The following PREX2 variants were observed in gnomAD, a reference collection of about 807,000 sequenced individuals.
PREX2 encodes phosphatidylinositol 3,4,5-trisphosphate-dependent Rac exchanger 2 protein.
In PREX2, 107 loss-of-function variants were observed where a neutral mutation model predicts 203.2. The ratio of observed to expected loss-of-function variants is 0.53; its 90% CI spans 0.45 to 0.62. The LOEUF (loss-of-function observed/expected upper bound fraction) is 0.62, where lower values mean the gene tolerates loss of function less well. Ranked by LOEUF, PREX2 falls within the 20% of genes least tolerant of loss-of-function variation. PREX2 has a pLI of 0.00. For synonymous variants in PREX2, 672 were observed against 663.6 expected, an observed-to-expected ratio of 1.01 and a Z score of -0.19; for missense variants, 1,777 against 1,955.9, an observed-to-expected ratio of 0.91 and a Z score of 1.72.
intron 35 of PREX2, among the ~76,000 whole-genome samples, chr8:68,180,482 G>A (rs1251807314): frequency 6.6e-6 from 1 of 152,010 alleles, no homozygotes; most frequent in Non-Finnish European, 1.5e-5. Context: ...TCAGAGTTAT[G>A]AGTTTACAGA....
At chr8:68,154,631 G>T (rs997655335) in intron 34 of PREX2, among the ~76,000 whole-genome samples, 5 of 152,160 alleles carry the variant, frequency 3.3e-5, no homozygotes. Context: ...TATTTCCTGT[G>T]TGTATTCAGG....
chr8:68,156,465 A>G (rs556979951), intron 34 of PREX2, among the ~76,000 whole-genome samples: 1 of 152,340 alleles, frequency 6.6e-6, no homozygotes, highest in Admixed American at 6.5e-5. Context: ...AATATCAAAT[A>G]CATTGGAAGT....
intron 21 of PREX2, among the ~76,000 whole-genome samples, chr8:68,094,189 A>G (rs1479538880): frequency 6.6e-6 from 1 of 152,232 alleles, no homozygotes; most frequent in Non-Finnish European, 1.5e-5. Flanking sequence ...TGAAATACAG[A>G]ATCTCAGCTG....
chr8:67,954,390 T>G (rs1805434825), intron 1 of PREX2, among the ~76,000 whole-genome samples: 1 of 152,216 alleles, frequency 6.6e-6, no homozygotes, highest in South Asian at 2.1e-4. Context: ...GATTATTAGA[T>G]TTTCTTTTTA....
At chr8:68,091,596 G>A (rs1349553899) in intron 20 of PREX2, among the ~76,000 whole-genome samples, 1 of 152,166 alleles carries the variant, frequency 6.6e-6, no homozygotes, top group Admixed American at 6.5e-5. Context: ...TAACTGATCA[G>A]TTTTACTTAA....
At chr8:68,216,845 A>G (rs1436362951) in intron 37 of PREX2, among the ~76,000 whole-genome samples, 2 of 151,922 alleles carry the variant, frequency 1.3e-5, no homozygotes, top group African/African-American at 2.4e-5. Flanking sequence ...AATCCCAGCT[A>G]CTGCTACTTG....
intron 37 of PREX2, 199 bp downstream of exon 37, chr8:68,192,724 C>A (rs1812322931): frequency 9.2e-6 from 4 of 436,928 alleles, no homozygotes; most frequent in South Asian, 6.0e-5. Context: ...GAAGGCAATC[C>A]CACGTTTATA....
intron 1 of PREX2, among the ~76,000 whole-genome samples, chr8:67,999,382 A>C (rs1310008099): frequency 6.7e-6 from 1 of 149,732 alleles, no homozygotes; most frequent in East Asian, 2.0e-4. Context: ...TCTTGGACAC[A>C]CCTATTCTCC....
At chr8:68,058,116 A>G (rs1440629422) in intron 10 of PREX2, among the ~76,000 whole-genome samples, 3 of 152,178 alleles carry the variant, frequency 2.0e-5, no homozygotes, top group Admixed American at 6.5e-5. Flanking sequence ...CCGTTAGCAG[A>G]GTGTTGATGG....
chr8:67,991,367 CA>C (rs1355213158), intron 1 of PREX2, among the ~76,000 whole-genome samples: 1 of 152,036 alleles, frequency 6.6e-6, no homozygotes, highest in African/African-American at 2.4e-5. Context: ...AGTCCATACG[CA>C]CATTGCTATA....
chr8:68,165,217 G>A (rs750397446), intron 35 of PREX2, among the ~76,000 whole-genome samples: 4 of 151,824 alleles, frequency 2.6e-5, no homozygotes, highest in Non-Finnish European at 4.4e-5. Context: ...TCAATAATTC[G>A]TCTTGGTTTA....
intron 37 of PREX2, among the ~76,000 whole-genome samples, chr8:68,208,806 G>C (rs560565631): frequency 1.4e-4 from 22 of 152,022 alleles, no homozygotes; most frequent in Non-Finnish European, 3.1e-4. Flanking sequence ...AGAAACTTCT[G>C]AGCTGGGCAT....
At chr8:67,953,401 C>G in intron 1 of PREX2, among the ~76,000 whole-genome samples, 1 of 152,104 alleles carries the variant, frequency 6.6e-6, no homozygotes, top group Non-Finnish European at 1.5e-5. Context: ...AGATAACACT[C>G]AAAAGTTGAA....
intron 39 of PREX2, among the ~76,000 whole-genome samples, chr8:68,228,126 T>C (rs1813088627): frequency 6.6e-6 from 1 of 152,184 alleles, no homozygotes; most frequent in Non-Finnish European, 1.5e-5. Flanking sequence ...CCCAGTTTCA[T>C]ACATTGGCTC....
intron 25 of PREX2, among the ~76,000 whole-genome samples, chr8:68,114,609 C>CA (rs1211789493): frequency 6.6e-6 from 1 of 152,222 alleles, no homozygotes; most frequent in East Asian, 1.9e-4. Flanking sequence ...AGCAGCTACT[C>CA]AAAGTCCTCA....
At chr8:68,068,008 T>C (rs1198012184) in intron 11 of PREX2, among the ~76,000 whole-genome samples, 1 of 152,100 alleles carries the variant, frequency 6.6e-6, no homozygotes, top group African/African-American at 2.4e-5. Flanking sequence ...ATGTGATGCA[T>C]CATAATTTTT....
At position 68,080,811 on chromosome 8, in the gene PREX2, G is replaced by A. The variant is rs1809497268; in HGVS notation, c.1851G>A (p.Lys617=). The change falls in exon 17 of 40, where the codon AAG becomes AAA. Residue 617 remains lysine (K), a synonymous_variant. Coordinates refer to ENST00000288368, the MANE Select transcript of PREX2 (RefSeq NM_024870.4). ...ACAAAAATAAAGTTCCAATAATAAA[G>A]TTGGTAGAAAAGGGATCTAATGCTG... The part of the protein sequence containing the change: ...LEDKNKVPII[K]LVEKGSNAEM... 2 of 1,549,402 alleles carry A rather than the reference G, an allele frequency of 1.3e-6. No individual in the cohort carries two copies. The highest frequency in any genetic ancestry group is 1.4e-5 in the African/African-American group (1 of 73,116).
At chr8:68,072,649 C>G in intron 14 of PREX2, 79 bp downstream of exon 14, 3 of 783,738 alleles carry the variant, frequency 3.8e-6, no homozygotes, top group Non-Finnish European at 6.6e-6. Flanking sequence ...GACCTTTATT[C>G]TTTTTCATCT....
chr8:68,168,772 T>C (rs1811812325), intron 35 of PREX2, among the ~76,000 whole-genome samples: 1 of 152,216 alleles, frequency 6.6e-6, no homozygotes, highest in Non-Finnish European at 1.5e-5. Context: ...ATAGGGGCTC[T>C]TACTGCCTGT....
Sources: allele counts gnomAD v4.1 joint callset (sites outside exome capture counted in the v4.1 genomes callset), GRCh38; gene constraint gnomAD v4.1.1; transcripts MANE v1.5; gene names NCBI Gene and HGNC (gene_info 2026-07-23, HGNC 2026-07-21).